Variants in SLC1A2 observed in about 807,000 individuals in gnomAD.
SLC1A2 encodes excitatory amino acid transporter 2.
Under a neutral mutation model 48.8 loss-of-function variants are expected in SLC1A2, and 15 were observed. The ratio of observed to expected loss-of-function variants is 0.31; its 90% CI spans 0.21 to 0.47. SLC1A2 has a LOEUF of 0.47. Among genes scored for constraint, SLC1A2 ranks in the 20% least tolerant of loss-of-function variants. The probability of loss-of-function intolerance (pLI) is 0.99; values close to 1 mark genes in which losing one functional copy is unlikely to be tolerated. For synonymous variants in SLC1A2, 279 were observed against 272.6 expected, an observed-to-expected ratio of 1.02 and a Z score of -0.23; for missense variants, 502 against 730.5, an observed-to-expected ratio of 0.69 and a Z score of 3.61.
At chr11:35,290,218 C>G (rs1591433937) in intron 7 of SLC1A2, among the ~76,000 whole-genome samples, 1 of 152,146 alleles carries the variant, frequency 6.6e-6, no homozygotes, top group African/African-American at 2.4e-5. Context: ...TTCCACTTAT[C>G]CTGAGGGGAT....
At chr11:35,310,168 G>A (rs1468179302) in intron 4 of SLC1A2, among the ~76,000 whole-genome samples, 2 of 152,140 alleles carry the variant, frequency 1.3e-5, no homozygotes, top group Non-Finnish European at 2.9e-5. Context: ...TTTTCACAGA[G>A]CATGGCATGA....
chr11:35,317,345 G>A, intron 2 of SLC1A2, 32 bp downstream of exon 2: 1 of 1,603,188 alleles, frequency 6.2e-7, no homozygotes, highest in Admixed American at 1.7e-5. Context: ...CAGAGAAGAG[G>A]GGGCTGGGGG....
rs1950289129 is a variant in SLC1A2, at chr11:35,254,636, G to A, written c.*6258C>T. Reference sequence around the variant, plus strand: ...CTGCAACATCTCCATCTCCAGTGAGGATGATGACAAGGCTAACAGTCAGTT... The same window carrying A: ...CTGCAACATCTCCATCTCCAGTGAGAATGATGACAAGGCTAACAGTCAGTT... On this transcript the variant is annotated 3_prime_UTR_variant, in exon 11 of 11. Coordinates refer to ENST00000278379, the MANE Select transcript of SLC1A2 (RefSeq NM_004171.4). 1 of 349,162 alleles carries A rather than the reference G, an allele frequency of 2.9e-6. No homozygotes were observed. The highest frequency in any genetic ancestry group is 4.1e-5 in the Admixed American group (1 of 24,526). 21.6% of individuals were successfully genotyped at this position (349,162 alleles called of 1,614,324 possible).
intron 1 of SLC1A2, among the ~76,000 whole-genome samples, chr11:35,334,478 C>T (rs1226461440): frequency 6.6e-6 from 1 of 152,222 alleles, no homozygotes; most frequent in Admixed American, 6.5e-5. Flanking sequence ...ACATAATTTA[C>T]AACTTTGAGC....
rs1047401747 is a variant in SLC1A2, at chr11:35,260,845, A to G, written c.*49T>C. 1.4e-5 allele frequency: 18 copies of G among 1,255,560 alleles called. No individual in the cohort carries two copies. The Admixed American group carries it at 1.9e-4, about 13-fold the overall frequency. 77.8% of individuals were successfully genotyped at this position (1,255,560 alleles called of 1,614,324 possible). A position where few individuals can be genotyped will look rare whatever the true frequency, so the allele number is the denominator to read the frequency against. Reference sequence around the variant, plus strand: ...AAGCTTGTTTATATCATCAGTTACCATAGGATACGCTGGGGAGTTTATTCA... The same window carrying G: ...AAGCTTGTTTATATCATCAGTTACCGTAGGATACGCTGGGGAGTTTATTCA... On this transcript the variant is annotated 3_prime_UTR_variant, in exon 11 of 11. Coordinates refer to ENST00000278379, the MANE Select transcript of SLC1A2 (RefSeq NM_004171.4).
intron 1 of SLC1A2, among the ~76,000 whole-genome samples, chr11:35,411,791 A>C (rs1177843868): frequency 6.6e-6 from 1 of 152,216 alleles, no homozygotes; most frequent in Non-Finnish European, 1.5e-5. Context: ...GACATCTACA[A>C]ATAGGTTTGA....
At chr11:35,261,781 C>T (rs555453932) in intron 10 of SLC1A2, 314 of 398,416 alleles carry the variant, frequency 7.9e-4, no homozygotes, top group Non-Finnish European at 1.1e-3. Flanking sequence ...ACGTGACAAA[C>T]GCAGTAATGT....
At chr11:35,359,349 T>G (rs1445133011) in intron 1 of SLC1A2, among the ~76,000 whole-genome samples, 2 of 152,236 alleles carry the variant, frequency 1.3e-5, no homozygotes, top group African/African-American at 4.8e-5. Context: ...CAATCATGGA[T>G]GATGATTTTG....
chr11:35,320,355 A>T (rs1457417304), intron 1 of SLC1A2, among the ~76,000 whole-genome samples: 1 of 152,218 alleles, frequency 6.6e-6, no homozygotes, highest in Non-Finnish European at 1.5e-5. Context: ...GAGAGGAAAC[A>T]TAAAGCACAT....
intron 1 of SLC1A2, among the ~76,000 whole-genome samples, chr11:35,381,835 C>T (rs529593514): frequency 6.6e-6 from 1 of 152,146 alleles, no homozygotes. Flanking sequence ...TTGTCTTTCC[C>T]AGAAACACAC....
At chr11:35,379,766 G>A (rs1854363021) in intron 1 of SLC1A2, among the ~76,000 whole-genome samples, 1 of 152,152 alleles carries the variant, frequency 6.6e-6, no homozygotes, top group Non-Finnish European at 1.5e-5. Context: ...CCAGGATCCT[G>A]CCATAAACCG....
At chr11:35,265,407 T>C (rs1044672322) in intron 10 of SLC1A2, 120 bp downstream of exon 10, 16 of 641,624 alleles carry the variant, frequency 2.5e-5, no homozygotes, top group South Asian at 1.9e-5. Context: ...GGTTACATGA[T>C]TCTTTAGGAA....
At chr11:35,321,222 C>T (rs895069747) in intron 1 of SLC1A2, among the ~76,000 whole-genome samples, 6 of 152,104 alleles carry the variant, frequency 3.9e-5, no homozygotes, top group African/African-American at 1.4e-4. Context: ...TTATCTCCCA[C>T]GGGGTCCCTT....
Position 35,324,621 on chromosome 11 carries a change from G to A in SLC1A2, c.18-7105C>T, listed in dbSNP as rs530699647. On this transcript the variant is annotated intron_variant, in intron 1 of 10. Coordinates refer to ENST00000278379, the MANE Select transcript of SLC1A2 (RefSeq NM_004171.4). ...AGTAAATCTCCTTGCCAATACATTGGTGCTGGTGCTTTTTACAAACAGAAA... is the reference window on the plus strand; with the variant it reads ...AGTAAATCTCCTTGCCAATACATTGATGCTGGTGCTTTTTACAAACAGAAA... Among the ~76,000 whole-genome samples, 5 of 152,250 alleles carry A rather than the reference G, an allele frequency of 3.3e-5. No homozygotes were observed. In the East Asian group the frequency reaches 7.7e-4, roughly 24 times the overall value.
Position 35,281,924 on chromosome 11 carries a change from G to A in SLC1A2, c.1287-923C>T, listed in dbSNP as rs190563119. On this transcript the variant is annotated intron_variant, in intron 8 of 10. Coordinates refer to ENST00000278379, the MANE Select transcript of SLC1A2 (RefSeq NM_004171.4). The stretch of plus-strand genomic sequence containing the variant: ...TTTGTGGGTGCCAAAAGGTAAGGGG[G>A]ACTGCTTTCTTTGTAGTTATAAAAT... The A allele has an allele frequency of 6.6e-5, 10 of 152,250 alleles. No individual in the cohort carries two copies. In the East Asian group the frequency reaches 1.9e-3, roughly 29 times the overall value. The allele number at this position is 152,250 out of a possible 1,614,324, so 9.4% of individuals were successfully genotyped here.
Position 35,254,652 on chromosome 11 carries a change from A to G in SLC1A2, c.*6242T>C. 1 of 383,312 alleles carries G rather than the reference A, an allele frequency of 2.6e-6. No homozygotes were observed. The highest frequency in any genetic ancestry group is 7.9e-5 in the East Asian group (1 of 12,614). The allele number at this position is 383,312 out of a possible 1,614,324, so 23.7% of individuals were successfully genotyped here. The stretch of plus-strand genomic sequence containing the variant: ...TCCAGTGAGGATGATGACAAGGCTA[A>G]CAGTCAGTTGTCAGGTTTCAACACT... On this transcript the variant is annotated 3_prime_UTR_variant, in exon 11 of 11. Transcript: ENST00000278379.
rs1473215281 is a variant in SLC1A2 at position 35,259,304 on chromosome 11, T to C, written c.*1590A>G. On this transcript the variant is annotated 3_prime_UTR_variant, in exon 11 of 11. Transcript: ENST00000278379. ...TCTCAGCATCCCTCCGCTGGTTTCA[T>C]ATAATACAGCCTATTCTCACCTATA... The C allele has an allele frequency of 1.3e-5, 2 of 152,644 alleles. No individual in the cohort carries two copies. The highest frequency in any genetic ancestry group is 2.9e-5 in the Non-Finnish European group (2 of 68,040). The allele number at this position is 152,644 out of a possible 1,614,324, so 9.5% of individuals were successfully genotyped here.
At chr11:35,301,430 C>CA (rs1186159903) in intron 6 of SLC1A2, 89 bp downstream of exon 6, 1 of 1,308,914 alleles carries the variant, frequency 7.6e-7, no homozygotes, top group East Asian at 2.4e-5. Context: ...CCCATGCCAA[C>CA]TTTTTCCTGC....
intron 1 of SLC1A2, among the ~76,000 whole-genome samples, chr11:35,321,980 G>A (rs1359477630): frequency 1.3e-5 from 2 of 152,028 alleles, no homozygotes; most frequent in African/African-American, 4.8e-5. Context: ...AGGAATATTA[G>A]CAATGCAATG....
Sources: allele counts gnomAD v4.1 joint callset (sites outside exome capture counted in the v4.1 genomes callset), GRCh38; gene constraint gnomAD v4.1.1; transcripts MANE v1.5; gene names NCBI Gene and HGNC (gene_info 2026-07-23, HGNC 2026-07-21).